GRIN2B: variants seen among roughly 807,000 people sequenced by gnomAD.
GRIN2B encodes the protein glutamate receptor ionotropic, NMDA 2B.
GRIN2B carries 5 observed loss-of-function variants against 114.5 expected under a neutral mutation model. The observed-to-expected ratio is 0.04, with a 90% CI of 0.02 to 0.09. The LOEUF (loss-of-function observed/expected upper bound fraction) is 0.09, where lower values mean the gene tolerates loss of function less well. Among genes scored for constraint, GRIN2B ranks in the 10% least tolerant of loss-of-function variants. The pLI is 1.00. For synonymous variants in GRIN2B, 787 were observed against 745.1 expected, an observed-to-expected ratio of 1.06 and a Z score of -0.92; for missense variants, 1,108 against 1,943.5, an observed-to-expected ratio of 0.57 and a Z score of 8.08.
In GRIN2B at chr12:13,621,607, G is replaced by GTTTTTTT. The variant is rs759603737; in HGVS notation, c.1126-4951_1126-4950insAAAAAAA. ...TTCAAGAGAAAAAAAAAATTGCCTAGTTTTTGTTTTTTTTTTTTTTTTTTT... is the reference window on the plus strand; with the variant it reads ...TTCAAGAGAAAAAAAAAATTGCCTAGTTTTTTTTTTTTGTTTTTTTTTTTTTTTTTTT... On this transcript the variant is annotated intron_variant, in intron 5 of 13. Coordinates refer to ENST00000609686, the MANE Select transcript of GRIN2B (RefSeq NM_000834.5). Among the ~76,000 whole-genome samples the GTTTTTTT allele has an allele frequency of 7.2e-4, 20 of 27,698 alleles. 3 individuals carry two copies. The highest frequency in any genetic ancestry group is 2.6e-3 in the African/African-American group (19 of 7,392). 18.2% of individuals were successfully genotyped at this position (27,698 alleles called of 152,430 possible).
rs1450101150 is a variant in GRIN2B, at chr12:13,543,454, A to G, written c.*19329T>C. 1 of 152,244 alleles carries G rather than the reference A, an allele frequency of 6.6e-6. No individual in the cohort carries two copies. The highest frequency in any genetic ancestry group is 1.5e-5 in the Non-Finnish European group (1 of 68,066). The allele number at this position is 152,244 out of a possible 1,614,324, so 9.4% of individuals were successfully genotyped here. ...ATTCCATGACCAAACATTATAGTTA[A>G]CACACTGCAGTTGCCCTTGACTCCA... is the stretch of plus-strand genomic sequence containing the variant. On this transcript the variant is annotated 3_prime_UTR_variant, in exon 14 of 14. Transcript: ENST00000609686.
At chr12:13,785,200 C>A (rs1864202596) in intron 3 of GRIN2B, among the ~76,000 whole-genome samples, 2 of 152,208 alleles carry the variant, frequency 1.3e-5, no homozygotes, top group South Asian at 4.1e-4. Context: ...TAATAAATTC[C>A]TCATTTATTT....
At chr12:13,848,456 G>A (rs1865504080) in intron 3 of GRIN2B, among the ~76,000 whole-genome samples, 1 of 151,958 alleles carries the variant, frequency 6.6e-6, no homozygotes, top group African/African-American at 2.4e-5. Flanking sequence ...GGCAGGCAAA[G>A]GGCAGAAAAA....
intron 2 of GRIN2B, among the ~76,000 whole-genome samples, chr12:13,923,762 A>G (rs1866865123): frequency 6.6e-6 from 1 of 152,084 alleles, no homozygotes; most frequent in South Asian, 2.1e-4. Flanking sequence ...TAAGGGCCAT[A>G]TTTGCTGATT....
chr12:13,860,623 C>T (rs1390718781), intron 3 of GRIN2B, among the ~76,000 whole-genome samples: 2 of 152,032 alleles, frequency 1.3e-5, no homozygotes, highest in Non-Finnish European at 2.9e-5. Flanking sequence ...CGTGCCTGGC[C>T]CCCAAAGAAG....
chr12:13,672,865 A>G (rs1841915474), intron 5 of GRIN2B, among the ~76,000 whole-genome samples: 1 of 152,178 alleles, frequency 6.6e-6, no homozygotes, highest in African/African-American at 2.4e-5. Context: ...CCTCCCCATG[A>G]AACAACAGCT....
chr12:13,775,830 T>C (rs1863993705), intron 3 of GRIN2B, among the ~76,000 whole-genome samples: 1 of 152,172 alleles, frequency 6.6e-6, no homozygotes. Context: ...ATTAGTCACA[T>C]ATATTTTCCC....
chr12:13,675,585 C>T (rs1217013860), intron 5 of GRIN2B, among the ~76,000 whole-genome samples, 160 bp downstream of exon 5: 3 of 152,158 alleles, frequency 2.0e-5, no homozygotes, highest in African/African-American at 7.2e-5. Flanking sequence ...AGTAAATGAA[C>T]ATGCAAGTTT....
intron 4 of GRIN2B, among the ~76,000 whole-genome samples, chr12:13,680,433 A>AG (rs1565497936): frequency 3.4e-4 from 42 of 122,326 alleles, no homozygotes; most frequent in African/African-American, 1.1e-3. Context: ...AGTCCCATCA[A>AG]GGTTGTGTGT....
chr12:13,938,219 T>C (rs1206437), intron 2 of GRIN2B, among the ~76,000 whole-genome samples: 149,723 of 152,184 alleles, frequency 0.98, 73,685 homozygotes, highest in East Asian at 1. Flanking sequence ...ATTAGCCTAA[T>C]CACTTCAATA....
intron 3 of GRIN2B, among the ~76,000 whole-genome samples, chr12:13,840,454 C>A (rs1242894849): frequency 1.3e-5 from 2 of 152,122 alleles, no homozygotes; most frequent in Non-Finnish European, 2.9e-5. Context: ...ATCCTGGCTG[C>A]CCCTCTTACC....
chr12:13,605,551 T>TCTCTCACACA, intron 10 of GRIN2B, among the ~76,000 whole-genome samples: 7 of 30,488 alleles, frequency 2.3e-4, no homozygotes, highest in South Asian at 2.6e-3. Flanking sequence ...TCTCTCTCTC[T>TCTCTCACACA]GACACACACA....
chr12:13,880,202 T>C (rs1866049821), intron 2 of GRIN2B, among the ~76,000 whole-genome samples: 1 of 152,196 alleles, frequency 6.6e-6, no homozygotes, highest in Non-Finnish European at 1.5e-5. Flanking sequence ...GCTTTTGAGC[T>C]GGACTAAAGA....
At chr12:13,607,932 G>T (rs1949306864) in intron 10 of GRIN2B, among the ~76,000 whole-genome samples, 1 of 152,152 alleles carries the variant, frequency 6.6e-6, no homozygotes, top group Non-Finnish European at 1.5e-5. Context: ...GCAGACTGGA[G>T]GGTCAGATGT....
chr12:13,601,767 C>T (rs1218224759), intron 10 of GRIN2B, among the ~76,000 whole-genome samples: 4 of 152,014 alleles, frequency 2.6e-5, no homozygotes, highest in African/African-American at 9.7e-5. Context: ...TGAAGCCTTG[C>T]TAGGAACCCA....
At chr12:13,959,857 T>G (rs1345142241) in intron 2 of GRIN2B, among the ~76,000 whole-genome samples, 1 of 151,630 alleles carries the variant, frequency 6.6e-6, no homozygotes, top group Non-Finnish European at 1.5e-5. Flanking sequence ...GAGATATTAT[T>G]ATTCAGGATG....
intron 10 of GRIN2B, among the ~76,000 whole-genome samples, chr12:13,593,143 T>C (rs955598196): frequency 6.6e-6 from 1 of 152,190 alleles, no homozygotes; most frequent in African/African-American, 2.4e-5. Context: ...ATACATTCAG[T>C]GCTATCCCGA....
At chr12:13,582,424 TGAC>T (rs374507813) in intron 10 of GRIN2B, among the ~76,000 whole-genome samples, 19 of 152,350 alleles carry the variant, frequency 1.2e-4, no homozygotes, top group African/African-American at 4.6e-4. Flanking sequence ...CTGATGAATC[TGAC>T]GACATTTTGC....
chr12:13,929,968 G>A (rs950120350), intron 2 of GRIN2B, among the ~76,000 whole-genome samples: 10 of 152,108 alleles, frequency 6.6e-5, no homozygotes, highest in Admixed American at 3.9e-4. Context: ...GGCGGATCAC[G>A]AGGTCTAGAG....
Sources: allele counts gnomAD v4.1 joint callset (sites outside exome capture counted in the v4.1 genomes callset), GRCh38; gene constraint gnomAD v4.1.1; transcripts MANE v1.5; gene names NCBI Gene and HGNC (gene_info 2026-07-23, HGNC 2026-07-21).